Variants in SVEP1 observed in about 807,000 individuals in gnomAD.
The protein encoded by SVEP1 is sushi, von Willebrand factor type A, EGF and pentraxin domain containing 1.
In SVEP1, 164 loss-of-function variants were observed where a neutral mutation model predicts 367.3. That is an observed-to-expected ratio of 0.45 (90% CI 0.39 to 0.51). The LOEUF is 0.51. Among genes scored for constraint, SVEP1 ranks in the 20% least tolerant of loss-of-function variants. SVEP1 has a pLI of 0.00. For missense variants in SVEP1, 4,117 were observed against 4,425.3 expected, an observed-to-expected ratio of 0.93 and a Z score of 1.98; for synonymous variants, 1,666 against 1,611.6, an observed-to-expected ratio of 1.03 and a Z score of -0.81.
At chr9:110,464,049 T>C (rs951194260) in intron 18 of SVEP1, among the ~76,000 whole-genome samples, 2 of 152,300 alleles carry the variant, frequency 1.3e-5, no homozygotes, top group Middle Eastern at 3.4e-3. Context: ...AATTGTCAAA[T>C]GTGAACTTGT....
chr9:110,457,144 C>A (rs1185210168), intron 21 of SVEP1, 112 bp downstream of exon 21: 2 of 814,876 alleles, frequency 2.5e-6, no homozygotes, highest in Non-Finnish European at 3.6e-6. Context: ...GGCACATTTA[C>A]ATGGTCTAAT....
chr9:110,502,892 T>C (rs1829557833), intron 6 of SVEP1, 146 bp downstream of exon 6: 2 of 711,824 alleles, frequency 2.8e-6, no homozygotes, highest in East Asian at 2.9e-5. Flanking sequence ...TCTGTTTTTG[T>C]ATCTGTAACA....
At chr9:110,392,541 TTAAATCCA>T (rs1472827065) in intron 40 of SVEP1, among the ~76,000 whole-genome samples, 1 of 152,170 alleles carries the variant, frequency 6.6e-6, no homozygotes, top group Non-Finnish European at 1.5e-5. Flanking sequence ...TGATCATAAC[TTAAATCCA>T]TTAATTCTTA....
In SVEP1 at chr9:110,394,493, C is replaced by T. The variant is rs189496846; in HGVS notation, c.9823-4906G>A. On this transcript the variant is annotated intron_variant, in intron 40 of 47. Coordinates refer to ENST00000374469, the MANE Select transcript of SVEP1 (RefSeq NM_153366.4). The stretch of plus-strand genomic sequence containing the variant: ...GCTCCTCACCAGCAACAGAACAAAG[C>T]TGGACAGAGAATGACTTTGACGAGT... Among the ~76,000 whole-genome samples the T allele has an allele frequency of 1.4e-4, 21 of 152,312 alleles. No individual in the cohort carries two copies. The East Asian group carries it at 4.1e-3, about 29-fold the overall frequency.
intron 3 of SVEP1, among the ~76,000 whole-genome samples, chr9:110,533,986 AG>A (rs1317074992): frequency 6.6e-6 from 1 of 152,182 alleles, no homozygotes; most frequent in African/African-American, 2.4e-5. Context: ...CATGAACTCT[AG>A]GGTCAGAGAT....
chr9:110,452,097 A>T (rs953300816), intron 22 of SVEP1, among the ~76,000 whole-genome samples: 1 of 152,228 alleles, frequency 6.6e-6, no homozygotes, highest in Non-Finnish European at 1.5e-5. Flanking sequence ...TGTAACACAT[A>T]TCTAATAATT....
At chr9:110,367,734 C>G (rs539573525) in intron 47 of SVEP1, among the ~76,000 whole-genome samples, 1 of 152,250 alleles carries the variant, frequency 6.6e-6, no homozygotes, top group Admixed American at 6.5e-5. Context: ...TAAACTGGGA[C>G]AGTGTACTAT....
At chr9:110,528,156 G>GTGTATGTATATATATA in intron 3 of SVEP1, among the ~76,000 whole-genome samples, 1 of 33,940 alleles carries the variant, frequency 2.9e-5, no homozygotes, top group African/African-American at 1.1e-4. Context: ...GTGTGTGTGT[G>GTGTATGTATATATATA]TATATATATA....
At chr9:110,455,778 G>C in intron 21 of SVEP1, 75 bp from the exon 22 acceptor site, 1 of 1,184,776 alleles carries the variant, frequency 8.4e-7, no homozygotes, top group Non-Finnish European at 1.2e-6. Flanking sequence ...TCATTTAAAG[G>C]TAATTATCTC....
At chr9:110,501,047 G>A (rs1042292395) in intron 6 of SVEP1, among the ~76,000 whole-genome samples, 8 of 148,694 alleles carry the variant, frequency 5.4e-5, no homozygotes, top group Non-Finnish European at 8.9e-5. Context: ...CTTTCCTTAG[G>A]TTAATTTGGA....
Position 110,387,490 on chromosome 9 carries a change from T to C in SVEP1, c.9887-32A>G, listed in dbSNP as rs746341302. On this transcript the variant is annotated intron_variant, in intron 41 of 47. Transcript: ENST00000374469. ...ACAAGAATAAAAGCCTCATATTAATTGCTTCCCCAATTCCTCTTTCCTTCT... is the reference window on the plus strand; with the variant it reads ...ACAAGAATAAAAGCCTCATATTAATCGCTTCCCCAATTCCTCTTTCCTTCT... The C allele has an allele frequency of 7.7e-6, 12 of 1,552,566 alleles. No individual in the cohort carries two copies. In the East Asian group the frequency reaches 2.0e-4, roughly 26 times the overall value.
rs200252921 is a variant in SVEP1, at chr9:110,458,000, T to C, written c.3576+471A>G. 66 of 375,200 alleles carry C rather than the reference T, an allele frequency of 1.8e-4. 1 individual carries two copies. The highest frequency in any genetic ancestry group is 1.4e-3 in the South Asian group (66 of 46,938). The allele number at this position is 375,200 out of a possible 1,614,324, so 23.2% of individuals were successfully genotyped here. A position where few individuals can be genotyped will look rare whatever the true frequency, so the allele number is the denominator to read the frequency against. ...CTTGTAAAAAATATAAAGCATTTGG[T>C]TTAGCTATATTCTTAATTTATGTTT... On this transcript the variant is annotated intron_variant, in intron 20 of 47. Coordinates refer to ENST00000374469, the MANE Select transcript of SVEP1 (RefSeq NM_153366.4).
chr9:110,576,474 A>G (rs1204903730), intron 1 of SVEP1, among the ~76,000 whole-genome samples: 1 of 152,194 alleles, frequency 6.6e-6, no homozygotes, highest in East Asian at 1.9e-4. Context: ...AATAAAGTCA[A>G]GGAAGCTATG....
chr9:110,496,978 G>A (rs1588081327), intron 7 of SVEP1, 45 bp from the exon 8 acceptor site: 2 of 1,245,546 alleles, frequency 1.6e-6, no homozygotes. Flanking sequence ...CTGATATGTG[G>A]TCCTAGATCA....
chr9:110,490,751 A>G (rs978594918), intron 8 of SVEP1, among the ~76,000 whole-genome samples: 30 of 152,080 alleles, frequency 2.0e-4, no homozygotes, highest in African/African-American at 7.2e-4. Context: ...TCTATATTAA[A>G]TATCATCAAT....
intron 18 of SVEP1, among the ~76,000 whole-genome samples, chr9:110,464,683 G>A (rs1828908677): frequency 6.6e-6 from 1 of 152,136 alleles, no homozygotes; most frequent in Non-Finnish European, 1.5e-5. Context: ...ATCATTCAAT[G>A]TGGGAACAGC....
intron 24 of SVEP1, among the ~76,000 whole-genome samples, chr9:110,449,406 C>T (rs1447391592): frequency 6.6e-6 from 1 of 152,168 alleles, no homozygotes; most frequent in South Asian, 2.1e-4. Flanking sequence ...AGTATGATTG[C>T]AGATTCCATT....
At chr9:110,481,575 G>T in intron 11 of SVEP1, 139 bp from the exon 12 acceptor site, 1 of 535,530 alleles carries the variant, frequency 1.9e-6, no homozygotes, top group African/African-American at 1.9e-5. Context: ...TATGTCTTTA[G>T]TGCAGGAGAA....
chr9:110,375,472 A>AAAAC lies in SVEP1; in HGVS notation c.10505-10_10505-9insGTTT. ...GGGAAGAATGCAGATTGCTAAAAAA[A>AAAAC]AAAAAAAAAAAAAAAAAAGGAGGCA... On this transcript the variant is annotated splice_polypyrimidine_tract_variant and intron_variant, in intron 45 of 47. Coordinates refer to ENST00000374469, the MANE Select transcript of SVEP1 (RefSeq NM_153366.4). 1 of 1,462,094 alleles carries AAAAC rather than the reference A, an allele frequency of 6.8e-7. No homozygotes were observed. The highest frequency in any genetic ancestry group is 1.3e-5 in the South Asian group (1 of 75,216). 90.6% of individuals were successfully genotyped at this position (1,462,094 alleles called of 1,614,324 possible).
Sources: allele counts gnomAD v4.1 joint callset (sites outside exome capture counted in the v4.1 genomes callset), GRCh38; gene constraint gnomAD v4.1.1; transcripts MANE v1.5; gene names NCBI Gene and HGNC (gene_info 2026-07-23, HGNC 2026-07-21).